Variants in CALN1 observed in about 807,000 individuals in gnomAD.
CALN1 encodes the protein calcium-binding protein 8.
A neutral mutation model predicts 30.6 loss-of-function variants in CALN1; 17 were observed. The ratio of observed to expected loss-of-function variants is 0.56; its 90% CI spans 0.38 to 0.83. The LOEUF (loss-of-function observed/expected upper bound fraction) is 0.83. Ranked by LOEUF, CALN1 falls within the 40% of genes least tolerant of loss-of-function variation. The pLI, the probability that CALN1 is intolerant of heterozygous loss-of-function variation, is 0.00. For missense variants in CALN1, 291 were observed against 354.9 expected (o/e 0.82, Z 1.45); for synonymous variants, 156 against 131.4 (o/e 1.19, Z -1.28).
At chr7:71,796,187 C>A (rs1365473225) in intron 6 of CALN1, among the ~76,000 whole-genome samples, 1 of 151,918 alleles carries the variant, frequency 6.6e-6, no homozygotes. Context: ...CTTTGTTTAT[C>A]CATTCGTAAG....
intron 2 of CALN1, among the ~76,000 whole-genome samples, chr7:72,400,238 T>C (rs947613690): frequency 6.6e-6 from 1 of 152,204 alleles, no homozygotes; most frequent in African/African-American, 2.4e-5. Context: ...CGTTCATGCA[T>C]CTGACCCTCT....
chr7:72,123,404 G>T (rs1462462266), intron 3 of CALN1, among the ~76,000 whole-genome samples: 1 of 152,206 alleles, frequency 6.6e-6, no homozygotes, highest in East Asian at 1.9e-4. Context: ...CTCCTCTTCT[G>T]TTGTGTGATT....
chr7:72,325,705 G>A lies in CALN1; in HGVS notation c.120-46895C>T, dbSNP rs557273958. Among the ~76,000 whole-genome samples, 3 of 152,272 alleles carry A rather than the reference G, an allele frequency of 2.0e-5. No individual in the cohort carries two copies. The East Asian group carries it at 5.8e-4, about 29-fold the overall frequency. On this transcript the variant is annotated intron_variant, in intron 2 of 6. Transcript: ENST00000395275. ...TTAGTTGCCTAGGTAAATAACTTGA[G>A]GCTTGGGTCTTGGCAGGAAAAGAAA...
intron 5 of CALN1, among the ~76,000 whole-genome samples, chr7:71,813,713 A>C (rs1404048840): frequency 2.0e-5 from 3 of 152,056 alleles, no homozygotes; most frequent in Non-Finnish European, 4.4e-5. Context: ...GCGGATCACA[A>C]GGTCAGGAGA....
chr7:72,018,861 G>T (rs1338502755), intron 5 of CALN1, among the ~76,000 whole-genome samples: 1 of 152,090 alleles, frequency 6.6e-6, no homozygotes, highest in South Asian at 2.1e-4. Flanking sequence ...TTTTGAGACA[G>T]GGTCTTGCTC....
intron 2 of CALN1, among the ~76,000 whole-genome samples, chr7:72,312,394 GAAAAAA>G (rs768174448): frequency 5.6e-5 from 4 of 71,828 alleles, no homozygotes; most frequent in Admixed American, 1.7e-4. Flanking sequence ...CTTCATCTCA[GAAAAAA>G]AAAAAAAAAA....
the CALN1 span, among the ~76,000 whole-genome samples, chr7:72,468,004 T>C: frequency 6.6e-6 from 1 of 152,208 alleles, no homozygotes; most frequent in Non-Finnish European, 1.5e-5. Flanking sequence ...AATCATATAG[T>C]ATGTTTTGTG....
intron 3 of CALN1, among the ~76,000 whole-genome samples, chr7:72,238,433 GA>G (rs1376158688): frequency 6.6e-6 from 1 of 151,984 alleles, no homozygotes; most frequent in African/African-American, 2.4e-5. Context: ...ATTATTTAAT[GA>G]TTTTTTTATT....
At chr7:72,141,598 C>T (rs1470625350) in intron 3 of CALN1, among the ~76,000 whole-genome samples, 2 of 151,968 alleles carry the variant, frequency 1.3e-5, no homozygotes, top group Non-Finnish European at 2.9e-5. Flanking sequence ...GACGGAGTTT[C>T]CATCTTGTCA....
At chr7:72,343,577 C>A (rs1802481555) in intron 2 of CALN1, among the ~76,000 whole-genome samples, 1 of 151,500 alleles carries the variant, frequency 6.6e-6, no homozygotes, top group Non-Finnish European at 1.5e-5. Flanking sequence ...TAACCAATGG[C>A]AAGGATACCT....
chr7:71,809,086 C>A (rs189071306), intron 6 of CALN1, among the ~76,000 whole-genome samples: 1 of 152,120 alleles, frequency 6.6e-6, no homozygotes, highest in South Asian at 2.1e-4. Context: ...TTGTTTGATG[C>A]GCATGGCAGT....
intron 5 of CALN1, among the ~76,000 whole-genome samples, chr7:71,915,786 C>A (rs1272915698): frequency 6.6e-6 from 1 of 152,098 alleles, no homozygotes; most frequent in African/African-American, 2.4e-5. Context: ...AGAGGTAGAG[C>A]AGGGCCCTGA....
the CALN1 span, among the ~76,000 whole-genome samples, chr7:72,493,517 T>G: frequency 5.8e-4 from 89 of 152,250 alleles, no homozygotes; most frequent in Non-Finnish European, 7.2e-4. Flanking sequence ...TTTTGTATTT[T>G]TAGTAGAAAC....
At chr7:71,981,488 ACT>A (rs1175437940) in intron 5 of CALN1, among the ~76,000 whole-genome samples, 1 of 151,872 alleles carries the variant, frequency 6.6e-6, no homozygotes, top group African/African-American at 2.4e-5. Flanking sequence ...GCATGGTGAA[ACT>A]CTGCCTCTAC....
chr7:71,877,971 G>A (rs1003639682), intron 5 of CALN1, among the ~76,000 whole-genome samples: 141 of 152,248 alleles, frequency 9.3e-4, no homozygotes, highest in African/African-American at 2.5e-3. Flanking sequence ...GTTAAAACAC[G>A]GAAGACCAGG....
chr7:71,879,596 T>A (rs1187892381), intron 5 of CALN1, among the ~76,000 whole-genome samples: 3 of 152,212 alleles, frequency 2.0e-5, no homozygotes, highest in Non-Finnish European at 4.4e-5. Context: ...GATAGCTGTC[T>A]GGCAGACCAG....
At position 72,412,288 on chromosome 7, in the gene CALN1, G is replaced by C. The variant is rs536188098; in HGVS notation, c.-304C>G. ...AGTAAGCAGTAAGCTTTATTAAGAA[G>C]CAGGAAAGAAAAAAACACAAACTCA... On this transcript the variant is annotated 5_prime_UTR_variant, in exon 1 of 7. Coordinates refer to ENST00000395275, the MANE Select transcript of CALN1 (RefSeq NM_031468.4). 3 of 152,078 alleles carry C rather than the reference G, an allele frequency of 2.0e-5. No individual in the cohort carries two copies. The highest frequency in any genetic ancestry group is 2.0e-4 in the Admixed American group (3 of 15,266). 9.4% of individuals were successfully genotyped at this position (152,078 alleles called of 1,614,324 possible).
the CALN1 span, among the ~76,000 whole-genome samples, chr7:72,459,454 A>G: frequency 6.6e-6 from 1 of 152,062 alleles, no homozygotes; most frequent in Non-Finnish European, 1.5e-5. Flanking sequence ...GTTTCACTGC[A>G]TATCTGCCTG....
chr7:72,082,710 T>C lies in CALN1; in HGVS notation c.388+23441A>G, dbSNP rs536544875. On this transcript the variant is annotated intron_variant, in intron 4 of 6. Transcript: ENST00000395275. ...GATGTTACCCTCGAAATCTTTGAAG[T>C]TGCTGTGAACCAACTTCAACTAAAG... Among the ~76,000 whole-genome samples the C allele has an allele frequency of 3.9e-5, 6 of 152,284 alleles. No individual in the cohort carries two copies. In the South Asian group the frequency reaches 1.2e-3, roughly 32 times the overall value.
Sources: allele counts gnomAD v4.1 joint callset (sites outside exome capture counted in the v4.1 genomes callset), GRCh38; gene constraint gnomAD v4.1.1; transcripts MANE v1.5; gene names NCBI Gene and HGNC (gene_info 2026-07-23, HGNC 2026-07-21).